CDKAL1: variants seen among roughly 807,000 people sequenced by gnomAD.
The protein encoded by CDKAL1 is CDKAL1 threonylcarbamoyladenosine tRNA methylthiotransferase.
A neutral mutation model predicts 68.2 loss-of-function variants in CDKAL1; 32 were observed. That is an observed-to-expected ratio of 0.47 (90% CI 0.35 to 0.63). CDKAL1 has a LOEUF of 0.63. Among genes scored for constraint, CDKAL1 ranks in the 30% least tolerant of loss-of-function variants. The pLI is 0.00. For synonymous variants in CDKAL1, 234 were observed against 244.3 expected (o/e 0.96, Z 0.39); for missense variants, 606 against 696.7 (o/e 0.87, Z 1.47).
intron 7 of CDKAL1, among the ~76,000 whole-genome samples, chr6:20,778,402 C>T (rs892528709): frequency 5.3e-5 from 8 of 152,138 alleles, no homozygotes; most frequent in African/African-American, 1.9e-4. Context: ...GGTCTTATAA[C>T]CATAATATGT....
intron 11 of CDKAL1, among the ~76,000 whole-genome samples, chr6:21,047,531 G>T (rs991556696): frequency 3.3e-4 from 51 of 152,306 alleles, no homozygotes; most frequent in African/African-American, 1.2e-3. Flanking sequence ...CTTACTGTCT[G>T]TTTTTCCAAG....
At chr6:20,762,287 G>A (rs1774503389) in intron 7 of CDKAL1, among the ~76,000 whole-genome samples, 1 of 152,150 alleles carries the variant, frequency 6.6e-6, no homozygotes, top group Admixed American at 6.5e-5. Flanking sequence ...CTATGAAAGT[G>A]AGTCGAAGAT....
intron 10 of CDKAL1, among the ~76,000 whole-genome samples, chr6:20,972,580 G>A (rs868110148): frequency 2.6e-5 from 4 of 152,112 alleles, no homozygotes; most frequent in Admixed American, 1.3e-4. Flanking sequence ...CCTAGCCCAC[G>A]TTCCTAAGGG....
chr6:20,705,902 G>A (rs1771571826), intron 5 of CDKAL1, among the ~76,000 whole-genome samples: 1 of 152,188 alleles, frequency 6.6e-6, no homozygotes, highest in African/African-American at 2.4e-5. Context: ...TGGTGGGTCT[G>A]GTAGTATGTG....
At chr6:20,894,477 A>T (rs1761574889) in intron 9 of CDKAL1, among the ~76,000 whole-genome samples, 3 of 148,804 alleles carry the variant, frequency 2.0e-5, no homozygotes, top group Non-Finnish European at 4.4e-5. Flanking sequence ...TTAATACTTC[A>T]AATTTTTTTA....
intron 4 of CDKAL1, among the ~76,000 whole-genome samples, chr6:20,611,861 A>G (rs2127722947): frequency 1.3e-5 from 2 of 152,246 alleles, no homozygotes; most frequent in Middle Eastern, 6.8e-3. Context: ...ATCTAACTGT[A>G]TGTTTGTACC....
At chr6:20,710,281 G>A (rs1171185291) in intron 5 of CDKAL1, among the ~76,000 whole-genome samples, 2 of 152,122 alleles carry the variant, frequency 1.3e-5, no homozygotes, top group Non-Finnish European at 2.9e-5. Flanking sequence ...CCATGATCCC[G>A]TGATGTTTCA....
chr6:21,027,372 G>A (rs910691949), intron 11 of CDKAL1, among the ~76,000 whole-genome samples: 1 of 152,160 alleles, frequency 6.6e-6, no homozygotes, highest in Admixed American at 6.5e-5. Context: ...CCAAAATGCA[G>A]TTATATACTG....
In CDKAL1 at chr6:21,011,920, C is replaced by A. The variant is rs182053579; in HGVS notation, c.1055+11548C>A. ...TAAAAGTTGTAGTTTGATTCATCTG[C>A]AAGTGACAGAAAAAATATGGCATAA... On this transcript the variant is annotated intron_variant, in intron 11 of 15. Transcript: ENST00000274695. Among the ~76,000 whole-genome samples the A allele has an allele frequency of 3.9e-5, 6 of 152,118 alleles. No homozygotes were observed. The East Asian group carries it at 1.2e-3, about 29-fold the overall frequency.
chr6:20,649,572 ATTTAC>A (rs1397113395), intron 5 of CDKAL1, among the ~76,000 whole-genome samples, 195 bp downstream of exon 5: 8 of 152,084 alleles, frequency 5.3e-5, no homozygotes, highest in Non-Finnish European at 1.2e-4. Context: ...TTTAAATTAA[ATTTAC>A]TTTAAGTTCT....
intron 15 of CDKAL1, 125 bp from the exon 16 acceptor site, chr6:21,230,723 A>G: frequency 4.3e-6 from 3 of 701,874 alleles, no homozygotes; most frequent in Non-Finnish European, 6.6e-6. Context: ...TGGGTGTTCA[A>G]ACGTGTCTCT....
intron 9 of CDKAL1, among the ~76,000 whole-genome samples, chr6:20,893,371 T>A (rs1183652247): frequency 6.6e-6 from 1 of 152,188 alleles, no homozygotes; most frequent in African/African-American, 2.4e-5. Flanking sequence ...ACTGTATAAC[T>A]GAATGGTTCA....
At chr6:20,730,799 A>C (rs374630044) in intron 5 of CDKAL1, among the ~76,000 whole-genome samples, 1 of 149,782 alleles carries the variant, frequency 6.7e-6, no homozygotes, top group African/African-American at 2.5e-5. Context: ...AGCTGAGATC[A>C]CACCACTGCA....
At chr6:20,989,687 G>A (rs914293257) in intron 10 of CDKAL1, among the ~76,000 whole-genome samples, 8 of 152,282 alleles carry the variant, frequency 5.3e-5, no homozygotes, top group African/African-American at 1.7e-4. Context: ...AGGCAATTGT[G>A]TGTGGATTTT....
intron 4 of CDKAL1, among the ~76,000 whole-genome samples, chr6:20,628,432 A>G (rs914870213): frequency 6.6e-6 from 1 of 152,188 alleles, no homozygotes; most frequent in African/African-American, 2.4e-5. Flanking sequence ...TCAGGCATAC[A>G]ATACTTAAGG....
chr6:20,901,348 G>T (rs956290727), intron 9 of CDKAL1, among the ~76,000 whole-genome samples: 2 of 151,636 alleles, frequency 1.3e-5, no homozygotes, highest in Non-Finnish European at 2.9e-5. Context: ...TTACAAATTG[G>T]ACATAACTAT....
At chr6:20,617,852 A>G (rs1766992574) in intron 4 of CDKAL1, among the ~76,000 whole-genome samples, 1 of 152,112 alleles carries the variant, frequency 6.6e-6, no homozygotes, top group South Asian at 2.1e-4. Context: ...AGTCTTTGCT[A>G]TTGTGAATAG....
chr6:20,607,041 G>A (rs981842188), intron 4 of CDKAL1, among the ~76,000 whole-genome samples: 1 of 152,168 alleles, frequency 6.6e-6, no homozygotes, highest in African/African-American at 2.4e-5. Context: ...AGTAAGCAGG[G>A]ATTATGGCTG....
chr6:20,574,394 G>T (rs191553897), intron 4 of CDKAL1, among the ~76,000 whole-genome samples: 57 of 152,058 alleles, frequency 3.7e-4, no homozygotes, highest in Non-Finnish European at 7.1e-4. Flanking sequence ...ATGATGGAAG[G>T]TACCCCTATA....
Sources: allele counts gnomAD v4.1 joint callset (sites outside exome capture counted in the v4.1 genomes callset), GRCh38; gene constraint gnomAD v4.1.1; transcripts MANE v1.5; gene names NCBI Gene and HGNC (gene_info 2026-07-23, HGNC 2026-07-21).